PACS1: variants seen among roughly 807,000 people sequenced by gnomAD.
PACS1 encodes PACS-1.
Under a neutral mutation model 115.0 loss-of-function variants are expected in PACS1, and 24 were observed. The observed-to-expected ratio is 0.21, with a 90% CI of 0.15 to 0.29. The LOEUF (loss-of-function observed/expected upper bound fraction) is 0.29, where lower values mean the gene tolerates loss of function less well. PACS1 is among the 10% of genes least tolerant of loss of function. The probability of loss-of-function intolerance (pLI) is 1.00; values close to 1 mark genes in which losing one functional copy is unlikely to be tolerated. For missense variants in PACS1, 838 were observed against 1,251.2 expected, an observed-to-expected ratio of 0.67 and a Z score of 4.98; for synonymous variants, 453 against 504.5, an observed-to-expected ratio of 0.90 and a Z score of 1.37.
chr11:66,202,736 AAAAAAAATATATATATATAT>A (rs1854832924), intron 2 of PACS1, among the ~76,000 whole-genome samples: 1 of 54,062 alleles, frequency 1.8e-5, no homozygotes, highest in Non-Finnish European at 3.8e-5. Context: ...GAAAAAAAAA[AAAAAAAATATATATATATAT>A]ATATATATAT....
chr11:66,144,594 G>T (rs1859076333), intron 1 of PACS1, among the ~76,000 whole-genome samples: 1 of 152,182 alleles, frequency 6.6e-6, no homozygotes, highest in Non-Finnish European at 1.5e-5. Flanking sequence ...GAAATGCATG[G>T]TATAATAGCT....
Position 66,096,225 on chromosome 11 carries a change from T to G in PACS1, c.356+25383T>G, listed in dbSNP as rs868863034. 1.4e-3 allele frequency among the ~76,000 whole-genome samples: 199 copies of G among 144,252 alleles called. 2 individuals are homozygous for G. The Middle Eastern group carries it at 0.018, about 13-fold the overall frequency. 94.6% of individuals were successfully genotyped at this position (144,252 alleles called of 152,430 possible). A position where few individuals can be genotyped will look rare whatever the true frequency, so the allele number is the denominator to read the frequency against. ...TTTTTCTTTCTTTTTTTTTTTTTTT[T>G]TTTTTTTTGATGTAGGGTGTTTCGC... On this transcript the variant is annotated intron_variant, in intron 1 of 23. Coordinates refer to ENST00000320580, the MANE Select transcript of PACS1 (RefSeq NM_018026.4).
At chr11:66,096,865 C>T (rs1857797702) in intron 1 of PACS1, among the ~76,000 whole-genome samples, 1 of 140,990 alleles carries the variant, frequency 7.1e-6, no homozygotes, top group East Asian at 2.0e-4. Flanking sequence ...CTCTCTCTCT[C>T]TTTTTTTTTT....
At chr11:66,127,231 G>T (rs1028409101) in intron 1 of PACS1, among the ~76,000 whole-genome samples, 2 of 152,214 alleles carry the variant, frequency 1.3e-5, no homozygotes, top group Non-Finnish European at 2.9e-5. Context: ...CCGAAGGGAA[G>T]GAGGAGGCAT....
chr11:66,072,178 T>A (rs192826381), intron 1 of PACS1, among the ~76,000 whole-genome samples: 2 of 152,364 alleles, frequency 1.3e-5, no homozygotes, highest in Admixed American at 1.3e-4. Context: ...TTGGTTTTTT[T>A]ATTTTTTTTT....
intron 11 of PACS1, 154 bp from the exon 12 acceptor site, chr11:66,230,394 G>C (rs1260569918): frequency 3.2e-6 from 2 of 623,982 alleles, no homozygotes; most frequent in African/African-American, 3.7e-5. Flanking sequence ...TTTTCCTTCG[G>C]CTGAGGCAGG....
chr11:66,089,391 A>C (rs1388362931), intron 1 of PACS1, among the ~76,000 whole-genome samples: 1 of 152,208 alleles, frequency 6.6e-6, no homozygotes, highest in Non-Finnish European at 1.5e-5. Context: ...GAAGAGACCT[A>C]AAATAAGTCA....
At chr11:66,128,213 GATGGTATTA>G (rs1207705574) in intron 1 of PACS1, among the ~76,000 whole-genome samples, 1 of 152,138 alleles carries the variant, frequency 6.6e-6, no homozygotes, top group Non-Finnish European at 1.5e-5. Context: ...CTGATTATTT[GATGGTATTA>G]ATGGTATTAA....
At chr11:66,128,602 G>A (rs1466409464) in intron 1 of PACS1, among the ~76,000 whole-genome samples, 1 of 152,056 alleles carries the variant, frequency 6.6e-6, no homozygotes, top group Non-Finnish European at 1.5e-5. Context: ...AGTGAGTGAG[G>A]GCTGGGCACA....
chr11:66,214,032 C>CAAAAAAA (rs71036278), intron 4 of PACS1, among the ~76,000 whole-genome samples: 11 of 42,968 alleles, frequency 2.6e-4, no homozygotes, highest in South Asian at 1.7e-3. Flanking sequence ...GACTCCATCT[C>CAAAAAAA]AAAAAAAAAA....
chr11:66,175,549 C>A (rs1458999065), intron 1 of PACS1, among the ~76,000 whole-genome samples: 1 of 151,264 alleles, frequency 6.6e-6, no homozygotes, highest in East Asian at 2.0e-4. Context: ...TCTAACTTTT[C>A]TTTTACACTT....
At chr11:66,103,273 T>C (rs1857962056) in intron 1 of PACS1, among the ~76,000 whole-genome samples, 1 of 152,186 alleles carries the variant, frequency 6.6e-6, no homozygotes, top group South Asian at 2.1e-4. Flanking sequence ...TTCAGATAAG[T>C]TCAACAGTGG....
rs1180861610 is a variant in PACS1, at chr11:66,233,723, C to T, written c.1839-62C>T. The T allele has an allele frequency of 1.3e-6, 2 of 1,507,408 alleles. No homozygotes were observed. Among genetic ancestry groups the T allele is most frequent in the East Asian group, 2.3e-5 (1 of 43,536 alleles). The allele number at this position is 1,507,408 out of a possible 1,614,324, so 93.4% of individuals were successfully genotyped here. ...GAGATCACAGAAAGTCAGCTCTGGG[C>T]CTCCCCCGGGCAGGATCCTGGCACC... On this transcript the variant is annotated intron_variant, in intron 15 of 23. Transcript: ENST00000320580. This position sits in a 1 kb window ranked among gnomAD's most constrained non-coding sequence, Gnocchi z 4.5.
At chr11:66,216,957 C>A in intron 7 of PACS1, 182 bp downstream of exon 7, 1 of 591,564 alleles carries the variant, frequency 1.7e-6, no homozygotes, top group Non-Finnish European at 3.0e-6. Flanking sequence ...TGTTGGGAAC[C>A]ACAATTACTG....
chr11:66,162,369 A>G (rs1232523358), intron 1 of PACS1, among the ~76,000 whole-genome samples: 2 of 151,818 alleles, frequency 1.3e-5, no homozygotes, highest in African/African-American at 4.8e-5. Context: ...TGATCTGCCC[A>G]CCTCGGCCTC....
chr11:66,198,294 A>C (rs1174182310), intron 2 of PACS1, among the ~76,000 whole-genome samples: 1 of 152,262 alleles, frequency 6.6e-6, no homozygotes, highest in African/African-American at 2.4e-5. Context: ...GAAAACACAC[A>C]AAATCTAACA....
chr11:66,174,151 G>T (rs1859799648), intron 1 of PACS1, among the ~76,000 whole-genome samples: 1 of 151,360 alleles, frequency 6.6e-6, no homozygotes, highest in South Asian at 2.1e-4. Context: ...GCTTGAGAAA[G>T]GCAAATTAGT....
intron 1 of PACS1, among the ~76,000 whole-genome samples, chr11:66,092,798 G>A (rs1224683835): frequency 1.3e-5 from 2 of 151,754 alleles, no homozygotes; most frequent in African/African-American, 2.4e-5. Flanking sequence ...CCCATTGCTT[G>A]TTTTTCTCAG....
At chr11:66,133,798 C>T (rs1389499659) in intron 1 of PACS1, among the ~76,000 whole-genome samples, 4 of 152,196 alleles carry the variant, frequency 2.6e-5, no homozygotes, top group Admixed American at 6.5e-5. Context: ...AGCCACTGCG[C>T]CCAGCCAGAC....
Sources: gnomAD v4.1 joint callset for allele counts (sites outside exome capture counted in the v4.1 genomes callset) on GRCh38, gnomAD v4.1.1 for gene constraint, Gnocchi (gnomAD v3.1) non-coding constraint, MANE v1.5 for transcripts, NCBI Gene and HGNC (gene_info 2026-07-23, HGNC 2026-07-21) for gene names.